Variants in GRM1 observed in about 807,000 individuals in gnomAD.
GRM1 encodes the protein metabotropic glutamate receptor 1.
GRM1 carries 33 observed loss-of-function variants against 90.9 expected under a neutral mutation model. The ratio of observed to expected loss-of-function variants is 0.36; its 90% confidence interval spans 0.28 to 0.49. The LOEUF (loss-of-function observed/expected upper bound fraction) is 0.49. GRM1 is among the 20% of genes least tolerant of loss of function. GRM1 has a pLI of 0.99. For synonymous variants in GRM1, 700 were observed against 613.2 expected (o/e 1.14, Z -2.09); for missense variants, 1,190 against 1,534.3 (o/e 0.78, Z 3.75).
intron 2 of GRM1, among the ~76,000 whole-genome samples, chr6:146,295,806 G>A (rs1350970372): frequency 6.6e-6 from 1 of 152,078 alleles, no homozygotes; most frequent in Non-Finnish European, 1.5e-5. Context: ...AAGGGAGTTT[G>A]TTGTACAGAT....
At position 146,434,248 on chromosome 6, in the gene GRM1, T is replaced by G; in HGVS notation, c.3037T>G (p.Leu1013Val). ...GGCCGAACCAGCCCTCCCCAAGGGCTTGCCCCCTCCTCTCCAGCAGCAGCA... is the reference window on the plus strand; with the variant it reads ...GGCCGAACCAGCCCTCCCCAAGGGCGTGCCCCCTCCTCTCCAGCAGCAGCA... ...FLAEPALPKG[L>V]PPPLQQQQQP... Residue 1013 changes from leucine (L) to valine (V), a missense_variant, in exon 8 of 8, where the codon TTG becomes GTG. By Grantham distance (32) the Leu-to-Val change is conservative. This residue lies in a region of GRM1 where 400 missense variants were observed against 360.8 expected (regional missense o/e 1.11). Transcript: ENST00000282753. 1 of 1,602,192 alleles carries G rather than the reference T, an allele frequency of 6.2e-7. No individual in the cohort carries two copies. Among genetic ancestry groups the G allele is most frequent in the South Asian group, 1.1e-5 (1 of 89,768 alleles).
At chr6:146,202,685 T>C (rs1779339748) in intron 2 of GRM1, among the ~76,000 whole-genome samples, 1 of 152,184 alleles carries the variant, frequency 6.6e-6, no homozygotes, top group Non-Finnish European at 1.5e-5. Context: ...ATTATCTTCT[T>C]AGCACTCTCA....
At chr6:146,349,621 T>A (rs890766776) in intron 3 of GRM1, among the ~76,000 whole-genome samples, 5 of 152,200 alleles carry the variant, frequency 3.3e-5, no homozygotes, top group African/African-American at 9.6e-5. Context: ...ATTTTCTTAG[T>A]TGTGTTAATT....
intron 2 of GRM1, among the ~76,000 whole-genome samples, chr6:146,287,013 T>G (rs1400184505): frequency 2.0e-5 from 3 of 152,180 alleles, no homozygotes; most frequent in African/African-American, 7.2e-5. Context: ...TTTTGATTAG[T>G]GTGGACAGGC....
At chr6:146,156,280 C>T (rs1314861139) in intron 1 of GRM1, among the ~76,000 whole-genome samples, 2 of 152,288 alleles carry the variant, frequency 1.3e-5, no homozygotes, top group African/African-American at 4.8e-5. Context: ...GTGGCACATA[C>T]CTGTAGTCCC....
intron 1 of GRM1, among the ~76,000 whole-genome samples, chr6:146,099,047 G>A (rs1322345371): frequency 1.3e-5 from 2 of 152,002 alleles, no homozygotes; most frequent in Admixed American, 6.6e-5. Flanking sequence ...ACAAAGAAAA[G>A]TACATACAAC....
Position 146,434,917 on chromosome 6 carries a change from C to A in GRM1, c.*121C>A. ...GGGCCTCGTCGGGAGGACAGGAGACCGCTGCTGCTGCTGCCGCTACTGCTG... is the reference window on the plus strand; with the variant it reads ...GGGCCTCGTCGGGAGGACAGGAGACAGCTGCTGCTGCTGCCGCTACTGCTG... On this transcript the variant is annotated 3_prime_UTR_variant, in exon 8 of 8. Coordinates refer to ENST00000282753, the MANE Select transcript of GRM1 (RefSeq NM_001278064.2). 1.2e-6 allele frequency: 1 copy of A among 841,976 alleles called. No homozygotes were observed. Among genetic ancestry groups the A allele is most frequent in the Non-Finnish European group, 2.0e-6 (1 of 510,200 alleles). The allele number at this position is 841,976 out of a possible 1,614,324, so 52.2% of individuals were successfully genotyped here. A position where few individuals can be genotyped will look rare whatever the true frequency, so the allele number is the denominator to read the frequency against.
At chr6:146,406,417 T>C (rs543933163) in intron 7 of GRM1, among the ~76,000 whole-genome samples, 1 of 152,286 alleles carries the variant, frequency 6.6e-6, no homozygotes, top group East Asian at 1.9e-4. Flanking sequence ...TTATAAACAT[T>C]GACAGTAAGA....
intron 2 of GRM1, among the ~76,000 whole-genome samples, chr6:146,225,486 C>G (rs1379252584): frequency 1.3e-5 from 2 of 152,096 alleles, no homozygotes; most frequent in African/African-American, 4.8e-5. Flanking sequence ...GGTTTTTAAA[C>G]AACACTTTTA....
intron 7 of GRM1, among the ~76,000 whole-genome samples, chr6:146,407,495 A>G (rs1297623786): frequency 6.6e-6 from 1 of 152,182 alleles, no homozygotes; most frequent in Non-Finnish European, 1.5e-5. Flanking sequence ...CATCTTTTAT[A>G]TTTCAGATTC....
At chr6:146,433,057 C>G (rs958497816) in intron 7 of GRM1, among the ~76,000 whole-genome samples, 1 of 152,190 alleles carries the variant, frequency 6.6e-6, no homozygotes, top group Admixed American at 6.5e-5. Context: ...TATCCTAAAG[C>G]AGGATGTGGG....
chr6:146,040,176 T>C (rs1461456996), intron 1 of GRM1, among the ~76,000 whole-genome samples: 1 of 151,896 alleles, frequency 6.6e-6, no homozygotes, highest in East Asian at 1.9e-4. Context: ...AAGAACCTCA[T>C]GTTATGAAAG....
At chr6:146,320,742 T>G (rs891153402) in intron 3 of GRM1, among the ~76,000 whole-genome samples, 1 of 152,220 alleles carries the variant, frequency 6.6e-6, no homozygotes, top group Non-Finnish European at 1.5e-5. Context: ...CTAGATTTTC[T>G]AGTTTATTTG....
intron 3 of GRM1, among the ~76,000 whole-genome samples, chr6:146,331,479 T>A (rs933413706): frequency 2.0e-5 from 3 of 152,164 alleles, no homozygotes; most frequent in East Asian, 3.9e-4. Context: ...TATATATATA[T>A]CACAGAGAAT....
In GRM1 at chr6:146,319,499, G is replaced by A. The variant is rs567456814; in HGVS notation, c.1186+14653G>A. 4.0e-4 allele frequency among the ~76,000 whole-genome samples: 61 copies of A among 152,242 alleles called. No homozygotes were observed. The South Asian group carries it at 0.013, about 32-fold the overall frequency. On this transcript the variant is annotated intron_variant, in intron 3 of 7. Coordinates refer to ENST00000282753, the MANE Select transcript of GRM1 (RefSeq NM_001278064.2). ...ATTTAAAGTAGTTTTTTCTAATTCT[G>A]TGAAGAAAGTCAATGGTAGCTTGAT...
chr6:146,035,324 C>T (rs1443379307), intron 1 of GRM1, among the ~76,000 whole-genome samples: 3 of 151,908 alleles, frequency 2.0e-5, no homozygotes, highest in Non-Finnish European at 2.9e-5. Context: ...TACATCCAAG[C>T]ACAGTTAGAC....
intron 2 of GRM1, among the ~76,000 whole-genome samples, chr6:146,270,957 CTTT>C: frequency 3.2e-5 from 3 of 92,374 alleles, no homozygotes; most frequent in African/African-American, 2.1e-4. Flanking sequence ...TCCTTCCTTT[CTTT>C]CTTTCTTTTT....
chr6:146,275,336 G>T lies in GRM1; in HGVS notation c.951-29275G>T, dbSNP rs910816287. Among the ~76,000 whole-genome samples, 3 of 152,172 alleles carry T rather than the reference G, an allele frequency of 2.0e-5. No individual in the cohort carries two copies. In the East Asian group the frequency reaches 5.8e-4, roughly 29 times the overall value. ...AGGAAAGAGGTAAGGGCATCTAAGT[G>T]AGTGAATGATAGCTGGGGGTTGCTA... On this transcript the variant is annotated intron_variant, in intron 2 of 7. Transcript: ENST00000282753.
chr6:146,123,768 A>G (rs1776092823), intron 1 of GRM1, among the ~76,000 whole-genome samples: 1 of 152,188 alleles, frequency 6.6e-6, no homozygotes, highest in Admixed American at 6.5e-5. Context: ...ATCTGATCCC[A>G]TCTGCCTCAA....
Sources: gnomAD v4.1 joint callset for allele counts (sites outside exome capture counted in the v4.1 genomes callset) on GRCh38, gnomAD v4.1.1 for gene constraint, gnomAD v4.1.1 regional missense constraint, MANE v1.5 for transcripts, NCBI Gene and HGNC (gene_info 2026-07-23, HGNC 2026-07-21) for gene names.